ARIH1: variants seen among roughly 807,000 people sequenced by gnomAD.
ARIH1 encodes the protein E3 ubiquitin-protein ligase ARIH1.
Under a neutral mutation model 85.0 loss-of-function variants are expected in ARIH1, and 8 were observed. The ratio of observed to expected loss-of-function variants is 0.09; its 90% CI spans 0.06 to 0.17. The LOEUF is 0.17. ARIH1 is among the 10% of genes least tolerant of loss of function. The pLI is 1.00. For synonymous variants in ARIH1, 238 were observed against 253.6 expected (o/e 0.94, Z 0.59); for missense variants, 311 against 718.1 (o/e 0.43, Z 6.48).
At position 72,580,920 on chromosome 15, in the gene ARIH1, C is replaced by T; in HGVS notation, c.1405C>T (p.Arg469Cys). The T allele has an allele frequency of 6.2e-7, 1 of 1,614,122 alleles. No homozygotes were observed. Among genetic ancestry groups the T allele is most frequent in the Non-Finnish European group, 8.5e-7 (1 of 1,179,998 alleles). ...KKAVDVLCQC[R>C]ATLMYTYVFA... Reference sequence around the variant, plus strand: ...GGCAGTTGATGTCCTCTGCCAGTGTCGTGCCACACTCATGTACACTTATGT... The same window carrying T: ...GGCAGTTGATGTCCTCTGCCAGTGTTGTGCCACACTCATGTACACTTATGT... Residue 469 changes from arginine to cysteine, a missense_variant, in exon 12 of 14, where the codon CGT becomes TGT. Around this residue, in one of 3 missense-constraint regions of ARIH1, gnomAD observed 50 missense variants for 311.7 expected, o/e 0.16. Coordinates refer to ENST00000379887, the MANE Select transcript of ARIH1 (RefSeq NM_005744.5).
At chr15:72,505,232 C>T (rs2063919793) in intron 1 of ARIH1, among the ~76,000 whole-genome samples, 1 of 152,084 alleles carries the variant, frequency 6.6e-6, no homozygotes, top group African/African-American at 2.4e-5. Flanking sequence ...ATTTTGTGAA[C>T]CACACTTTAA....
At position 72,516,741 on chromosome 15, in the gene ARIH1, G is replaced by A. The variant is rs546253400; in HGVS notation, c.376-1326G>A. ...TTTTTCTGTAACAAATGGTACTGTC[G>A]AAAACAATTGACATACATTTCTTTC... On this transcript the variant is annotated intron_variant, in intron 1 of 13. Coordinates refer to ENST00000379887, the MANE Select transcript of ARIH1 (RefSeq NM_005744.5). 7.9e-5 allele frequency among the ~76,000 whole-genome samples: 12 copies of A among 152,246 alleles called. No homozygotes were observed. The East Asian group carries it at 1.5e-3, about 20-fold the overall frequency.
At chr15:72,547,019 C>A (rs1032809404) in intron 3 of ARIH1, among the ~76,000 whole-genome samples, 30 of 151,888 alleles carry the variant, frequency 2.0e-4, no homozygotes, top group Non-Finnish European at 3.5e-4. Flanking sequence ...GCTCCGCCTC[C>A]CAGGTTCATG....
chr15:72,566,276 A>G (rs1305693540), intron 7 of ARIH1: 2 of 373,608 alleles, frequency 5.4e-6, no homozygotes, highest in South Asian at 4.8e-5. Flanking sequence ...AAACTTCTCA[A>G]TATAGTCTGA....
chr15:72,561,586 C>T lies in ARIH1; in HGVS notation c.804+37C>T. 3 of 1,208,644 alleles carry T rather than the reference C, an allele frequency of 2.5e-6. No homozygotes were observed. The South Asian group carries it at 4.2e-5, about 17-fold the overall frequency. The allele number at this position is 1,208,644 out of a possible 1,614,324, so 74.9% of individuals were successfully genotyped here. Reference sequence around the variant, plus strand: ...GTTTTCCTTCTTGTAAGAAGGAATTCTGTTTATTAATAGAAATACTATTTT... The same window carrying T: ...GTTTTCCTTCTTGTAAGAAGGAATTTTGTTTATTAATAGAAATACTATTTT... On this transcript the variant is annotated intron_variant, in intron 6 of 13. Coordinates refer to ENST00000379887, the MANE Select transcript of ARIH1 (RefSeq NM_005744.5).
chr15:72,537,936 GTTTTTTAATACA>G (rs1259302725), intron 2 of ARIH1, among the ~76,000 whole-genome samples: 3 of 152,156 alleles, frequency 2.0e-5, no homozygotes, highest in Non-Finnish European at 4.4e-5. Flanking sequence ...CCTATAATGT[GTTTTTTAATACA>G]TTTTCATATG....
At chr15:72,575,003 T>C (rs1228002171) in intron 11 of ARIH1, among the ~76,000 whole-genome samples, 4 of 150,232 alleles carry the variant, frequency 2.7e-5, no homozygotes, top group African/African-American at 9.9e-5. Flanking sequence ...GGAGCTGAGG[T>C]GGGAGGATTG....
intron 3 of ARIH1, among the ~76,000 whole-genome samples, chr15:72,550,897 C>T (rs981729871): frequency 6.6e-6 from 1 of 152,112 alleles, no homozygotes; most frequent in African/African-American, 2.4e-5. Context: ...GTCTTGAACT[C>T]CCGACCTCAG....
chr15:72,530,148 A>G (rs967923196), intron 2 of ARIH1, among the ~76,000 whole-genome samples: 2 of 152,212 alleles, frequency 1.3e-5, no homozygotes, highest in African/African-American at 4.8e-5. Context: ...AACTTCTGGT[A>G]ATTTTGACCG....
chr15:72,561,563 T>C lies in ARIH1; in HGVS notation c.804+14T>C, dbSNP rs186930437. 295 of 1,469,438 alleles carry C rather than the reference T, an allele frequency of 2.0e-4. 2 individuals carry two copies. In the African/African-American group the frequency reaches 3.8e-3, roughly 19 times the overall value. 91.0% of individuals were successfully genotyped at this position (1,469,438 alleles called of 1,614,324 possible). ...AGCTTTGTAGAGGTAAGTGATTTGT[T>C]TTCCTTCTTGTAAGAAGGAATTCTG... is the stretch of plus-strand genomic sequence containing the variant. On this transcript the variant is annotated intron_variant, in intron 6 of 13. Coordinates refer to ENST00000379887, the MANE Select transcript of ARIH1 (RefSeq NM_005744.5).
intron 1 of ARIH1, among the ~76,000 whole-genome samples, chr15:72,506,351 C>CAAAAAAAAAAAAA (rs71134002): frequency 0.11 from 7,743 of 72,688 alleles, 1,581 homozygotes; most frequent in African/African-American, 0.2. Flanking sequence ...CTCCGTCTCA[C>CAAAAAAAAAAAAA]AAAAAAAAAA....
chr15:72,499,229 G>A (rs534102119), intron 1 of ARIH1, among the ~76,000 whole-genome samples: 2 of 151,400 alleles, frequency 1.3e-5, no homozygotes, highest in African/African-American at 2.4e-5. Flanking sequence ...ACCTGCCTTG[G>A]CCTCCCAAAG....
rs1054239483 is a variant in ARIH1, at chr15:72,585,771, A to G, written c.*2479A>G. The G allele has an allele frequency of 1.3e-5, 2 of 152,096 alleles. No homozygotes were observed. The highest frequency in any genetic ancestry group is 4.8e-5 in the African/African-American group (2 of 41,410). The allele number at this position is 152,096 out of a possible 1,614,324, so 9.4% of individuals were successfully genotyped here. A position where few individuals can be genotyped will look rare whatever the true frequency, so the allele number is the denominator to read the frequency against. On this transcript the variant is annotated 3_prime_UTR_variant, in exon 14 of 14. Transcript: ENST00000379887. ...GATCAAGATGAACTGGCCCTTTTCTACTTCCAAGCTTTTAACAGATACCAC... is the reference window on the plus strand; with the variant it reads ...GATCAAGATGAACTGGCCCTTTTCTGCTTCCAAGCTTTTAACAGATACCAC...
At chr15:72,544,590 A>T (rs780683843) in intron 2 of ARIH1, among the ~76,000 whole-genome samples, 1 of 152,124 alleles carries the variant, frequency 6.6e-6, no homozygotes, top group Non-Finnish European at 1.5e-5. Flanking sequence ...ATATGAGAGT[A>T]GACTGAATTT....
At chr15:72,503,171 A>G (rs979193361) in intron 1 of ARIH1, among the ~76,000 whole-genome samples, 2 of 152,160 alleles carry the variant, frequency 1.3e-5, no homozygotes, top group African/African-American at 4.8e-5. Context: ...TGACAATTAT[A>G]ATATATATGT....
At position 72,570,187 on chromosome 15, in the gene ARIH1, A is replaced by G; in HGVS notation, c.1037A>G (p.Lys346Arg). 2 of 1,614,030 alleles carry G rather than the reference A, an allele frequency of 1.2e-6. No homozygotes were observed. The highest frequency in any genetic ancestry group is 1.7e-6 in the Non-Finnish European group (2 of 1,179,896). Residue 346 changes from lysine to arginine, a missense_variant, in exon 10 of 14, where the codon AAA becomes AGA. Coordinates refer to ENST00000379887, the MANE Select transcript of ARIH1 (RefSeq NM_005744.5). ...WIAANTKECPKCHVTIEKDGG... is the reference protein window; with the variant it reads ...WIAANTKECPRCHVTIEKDGG... ...AGTTTCTCTTCATAGGAATGTCCCA[A>G]ATGCCATGTCACAATTGAGAAGGAT...
At chr15:72,581,849 G>T (rs2064296560) in intron 12 of ARIH1, 1 of 372,668 alleles carries the variant, frequency 2.7e-6, no homozygotes, top group African/African-American at 2.1e-5. Context: ...TCTTCCAAAA[G>T]TAATGGGTGA....
At chr15:72,536,696 T>G (rs946561449) in intron 2 of ARIH1, among the ~76,000 whole-genome samples, 1 of 152,196 alleles carries the variant, frequency 6.6e-6, no homozygotes, top group Non-Finnish European at 1.5e-5. Flanking sequence ...TCTGTTTCAC[T>G]GTGGTTAGTT....
At chr15:72,484,682 C>T (rs545459824) in intron 1 of ARIH1, among the ~76,000 whole-genome samples, 10 of 147,376 alleles carry the variant, frequency 6.8e-5, no homozygotes, top group African/African-American at 1.8e-4. Flanking sequence ...CATATATATA[C>T]GTATATGTAT....
Sources: allele counts gnomAD v4.1 joint callset (sites outside exome capture counted in the v4.1 genomes callset), GRCh38; gene constraint gnomAD v4.1.1; regional missense constraint gnomAD v4.1.1; transcripts MANE v1.5; gene names NCBI Gene and HGNC (gene_info 2026-07-23, HGNC 2026-07-21).